Variants in NTNG1 observed in about 807,000 individuals in gnomAD.
The protein encoded by NTNG1 is netrin-G1.
In NTNG1, 16 loss-of-function variants were observed where a neutral mutation model predicts 54.0. The observed-to-expected ratio is 0.30, with a 90% CI of 0.20 to 0.45. The LOEUF (loss-of-function observed/expected upper bound fraction) is 0.45, where lower values mean the gene tolerates loss of function less well. Ranked by LOEUF, NTNG1 falls within the 20% of genes least tolerant of loss-of-function variation. The pLI is 1.00. For missense variants in NTNG1, 530 were observed against 678.7 expected, an observed-to-expected ratio of 0.78 and a Z score of 2.43; for synonymous variants, 255 against 263.1, an observed-to-expected ratio of 0.97 and a Z score of 0.30.
intron 3 of NTNG1, among the ~76,000 whole-genome samples, chr1:107,337,308 A>G (rs957996293): frequency 3.3e-5 from 5 of 152,072 alleles, no homozygotes; most frequent in African/African-American, 9.7e-5. Context: ...GACACATGCT[A>G]CAACATGGAT....
At chr1:107,274,947 G>C (rs149927991) in intron 2 of NTNG1, among the ~76,000 whole-genome samples, 2 of 152,262 alleles carry the variant, frequency 1.3e-5, no homozygotes, top group East Asian at 3.9e-4. Flanking sequence ...ATGCTTTTCT[G>C]TGTTCCCTGA....
At chr1:107,245,475 C>A (rs1662134344) in intron 2 of NTNG1, among the ~76,000 whole-genome samples, 1 of 152,164 alleles carries the variant, frequency 6.6e-6, no homozygotes, top group South Asian at 2.1e-4. Context: ...TCTGCTCTTG[C>A]CACCACTGCT....
At chr1:107,479,868 T>A (rs552811153) in intron 7 of NTNG1, among the ~76,000 whole-genome samples, 1 of 152,308 alleles carries the variant, frequency 6.6e-6, no homozygotes, top group East Asian at 1.9e-4. Context: ...ATTTTGGTAA[T>A]CAGGGTTTCA....
rs1171133311 is a variant in NTNG1, at chr1:107,360,346, G to T, written c.888-34808G>T. Among the ~76,000 whole-genome samples the T allele has an allele frequency of 2.0e-5, 3 of 152,132 alleles. No individual in the cohort carries two copies. The East Asian group carries it at 5.8e-4, about 29-fold the overall frequency. On this transcript the variant is annotated intron_variant, in intron 3 of 7. Coordinates refer to ENST00000370068, the MANE Select transcript of NTNG1 (RefSeq NM_001113226.3). ...CAGAATATCAGAACAAAAGTTAAAG[G>T]ATGTGAAAGAGTGGGCCACGGAAAT...
At chr1:107,372,720 C>T (rs1670995382) in intron 3 of NTNG1, among the ~76,000 whole-genome samples, 1 of 152,026 alleles carries the variant, frequency 6.6e-6, no homozygotes, top group African/African-American at 2.4e-5. Flanking sequence ...TCTACTTGTT[C>T]TATCAATTAC....
At chr1:107,422,263 T>C (rs991064917) in intron 5 of NTNG1, among the ~76,000 whole-genome samples, 3 of 151,962 alleles carry the variant, frequency 2.0e-5, no homozygotes, top group African/African-American at 4.8e-5. Context: ...ACAAATCAAT[T>C]TGGGTATGTG....
chr1:107,338,621 A>G (rs1668726773), intron 3 of NTNG1, among the ~76,000 whole-genome samples: 1 of 152,082 alleles, frequency 6.6e-6, no homozygotes, highest in East Asian at 1.9e-4. Context: ...CAGGATTTCC[A>G]GGTAGTTCTA....
intron 2 of NTNG1, among the ~76,000 whole-genome samples, chr1:107,176,668 G>A (rs763445877): frequency 1.3e-5 from 2 of 152,064 alleles, no homozygotes; most frequent in African/African-American, 4.8e-5. Context: ...ATGGATAAAC[G>A]GAATGTGATT....
At chr1:107,448,819 AAAACTT>A (rs1278594330) in intron 7 of NTNG1, among the ~76,000 whole-genome samples, 1 of 152,116 alleles carries the variant, frequency 6.6e-6, no homozygotes, top group African/African-American at 2.4e-5. Context: ...AAAAACCATG[AAAACTT>A]AAACAAGTAG....
At chr1:107,368,523 A>T (rs1670730438) in intron 3 of NTNG1, among the ~76,000 whole-genome samples, 1 of 152,208 alleles carries the variant, frequency 6.6e-6, no homozygotes, top group Non-Finnish European at 1.5e-5. Flanking sequence ...TTGACTTCTA[A>T]GTTGACTGTG....
At chr1:107,179,236 T>C (rs1656886808) in intron 2 of NTNG1, among the ~76,000 whole-genome samples, 1 of 152,182 alleles carries the variant, frequency 6.6e-6, no homozygotes. Context: ...CTTTTATTCA[T>C]TTATTATTAT....
chr1:107,251,512 CA>C (rs1662606023), intron 2 of NTNG1, among the ~76,000 whole-genome samples: 1 of 152,144 alleles, frequency 6.6e-6, no homozygotes, highest in Admixed American at 6.6e-5. Context: ...ATCTAGTTAA[CA>C]AATTGGTCAA....
intron 2 of NTNG1, among the ~76,000 whole-genome samples, chr1:107,301,318 A>G (rs943021486): frequency 4.0e-5 from 6 of 148,638 alleles, no homozygotes. Flanking sequence ...GTACTATAGG[A>G]GGCTAAAATT....
chr1:107,203,984 A>G (rs1013346853), intron 2 of NTNG1, among the ~76,000 whole-genome samples: 2 of 152,028 alleles, frequency 1.3e-5, no homozygotes, highest in African/African-American at 4.8e-5. Flanking sequence ...GTAATATTCA[A>G]GATTTCTAAT....
chr1:107,326,873 T>C (rs1461176200), intron 3 of NTNG1, among the ~76,000 whole-genome samples: 1 of 152,142 alleles, frequency 6.6e-6, no homozygotes, highest in Non-Finnish European at 1.5e-5. Flanking sequence ...TAAAATAAAC[T>C]TGAAAGCTAA....
chr1:107,140,428 G>C (rs1019942943), upstream of NTNG1, among the ~76,000 whole-genome samples: 1 of 152,076 alleles, frequency 6.6e-6, no homozygotes, highest in African/African-American at 2.4e-5. Flanking sequence ...AGCCGCTGGT[G>C]GGGGCGGGGA....
At chr1:107,323,261 A>G (rs1479779649) in intron 2 of NTNG1, among the ~76,000 whole-genome samples, 3 of 152,122 alleles carry the variant, frequency 2.0e-5, no homozygotes, top group African/African-American at 7.2e-5. Context: ...TAATGATACT[A>G]CTTGTTTTCT....
rs1669094580 is a variant in NTNG1, at chr1:107,344,349, G to GCTGTT, written c.887+19427_887+19428insCTGTT. On this transcript the variant is annotated intron_variant, in intron 3 of 7. Transcript: ENST00000370068. Reference sequence around the variant, plus strand: ...AATTATGATCTGACTTTTTTTGTTTGTTGTTTTGTTTTGTTTTTATTTTAG... The same window carrying GCTGTT: ...AATTATGATCTGACTTTTTTTGTTTGCTGTTTTGTTTTGTTTTGTTTTTATTTTAG... Among the ~76,000 whole-genome samples, 10 of 152,126 alleles carry GCTGTT rather than the reference G, an allele frequency of 6.6e-5. No homozygotes were observed. The South Asian group carries it at 1.7e-3, about 25-fold the overall frequency.
At chr1:107,475,474 C>T (rs1678254727) in intron 7 of NTNG1, among the ~76,000 whole-genome samples, 1 of 152,174 alleles carries the variant, frequency 6.6e-6, no homozygotes, top group Non-Finnish European at 1.5e-5. Context: ...TTGTTCCTCT[C>T]ACCCTTTCAT....
Sources: allele counts gnomAD v4.1 joint callset (sites outside exome capture counted in the v4.1 genomes callset), GRCh38; gene constraint gnomAD v4.1.1; transcripts MANE v1.5; gene names NCBI Gene and HGNC (gene_info 2026-07-23, HGNC 2026-07-21).